The following CACNA2D3 variants were observed in gnomAD, a reference collection of about 807,000 sequenced individuals.
The protein encoded by CACNA2D3 is voltage-dependent calcium channel subunit alpha-2/delta-3.
A neutral mutation model predicts 160.6 loss-of-function variants in CACNA2D3; 60 were observed. That is an observed-to-expected ratio of 0.37 (90% CI 0.30 to 0.46). The LOEUF is 0.46. CACNA2D3 is among the 20% of genes least tolerant of loss of function. The probability of loss-of-function intolerance (pLI) is 1.00; values close to 1 mark genes in which losing one functional copy is unlikely to be tolerated. For missense variants in CACNA2D3, 1,205 were observed against 1,365.0 expected (o/e 0.88, Z 1.85); for synonymous variants, 558 against 492.9 (o/e 1.13, Z -1.75).
chr3:54,662,540 T>C (rs1699991586), intron 11 of CACNA2D3, among the ~76,000 whole-genome samples: 1 of 152,234 alleles, frequency 6.6e-6, no homozygotes, highest in African/African-American at 2.4e-5. Flanking sequence ...TTCTCTGCTG[T>C]TGGTGGCCCC....
At chr3:54,922,198 T>A (rs1700872682) in intron 27 of CACNA2D3, among the ~76,000 whole-genome samples, 1 of 152,154 alleles carries the variant, frequency 6.6e-6, no homozygotes, top group Non-Finnish European at 1.5e-5. Context: ...TCAGTTTCCC[T>A]CTGGTGACAC....
chr3:55,033,694 TA>T (rs11353665), intron 35 of CACNA2D3, among the ~76,000 whole-genome samples: 25,965 of 77,700 alleles, frequency 0.33, 2,984 homozygotes, highest in Admixed American at 0.37. Context: ...TATATACCCT[TA>T]AAAAATATAT....
At chr3:54,388,656 C>G (rs1699229941) in intron 4 of CACNA2D3, among the ~76,000 whole-genome samples, 1 of 152,166 alleles carries the variant, frequency 6.6e-6, no homozygotes, top group Non-Finnish European at 1.5e-5. Flanking sequence ...GCAAGAAGTA[C>G]CTTACCTTCC....
Position 54,979,966 on chromosome 3 carries a change from A to C in CACNA2D3, c.2557-4642A>C, listed in dbSNP as rs1368945771. Among the ~76,000 whole-genome samples, 3 of 152,212 alleles carry C rather than the reference A, an allele frequency of 2.0e-5. No individual in the cohort carries two copies. The East Asian group carries it at 5.8e-4, about 29-fold the overall frequency. On this transcript the variant is annotated intron_variant, in intron 29 of 37. Transcript: ENST00000474759. ...ATCTTACATAACAATTATAACTATTAATAACATACAGTAAGCCATGTTAGA... is the reference window on the plus strand; with the variant it reads ...ATCTTACATAACAATTATAACTATTCATAACATACAGTAAGCCATGTTAGA...
intron 13 of CACNA2D3, among the ~76,000 whole-genome samples, chr3:54,792,458 G>A (rs1702776926): frequency 6.6e-6 from 1 of 152,148 alleles, no homozygotes; most frequent in South Asian, 2.1e-4. Context: ...AAAATCAATT[G>A]AATCATAAAA....
chr3:54,579,763 A>G (rs1430386921), intron 8 of CACNA2D3, among the ~76,000 whole-genome samples: 1 of 152,174 alleles, frequency 6.6e-6, no homozygotes, highest in Admixed American at 6.5e-5. Context: ...TTTCCTTCAT[A>G]TTGAACTCTG....
At chr3:54,426,073 C>T (rs1699908047) in intron 4 of CACNA2D3, among the ~76,000 whole-genome samples, 1 of 152,166 alleles carries the variant, frequency 6.6e-6, no homozygotes, top group Non-Finnish European at 1.5e-5. Context: ...GACTATAACT[C>T]AGGTGTGTGT....
At chr3:54,590,078 A>G (rs1702831001) in intron 9 of CACNA2D3, among the ~76,000 whole-genome samples, 1 of 152,208 alleles carries the variant, frequency 6.6e-6, no homozygotes, top group Admixed American at 6.5e-5. Flanking sequence ...AATTAAAATT[A>G]TGTTCACACA....
intron 11 of CACNA2D3, among the ~76,000 whole-genome samples, chr3:54,737,447 A>G (rs897807032): frequency 2.6e-5 from 4 of 152,078 alleles, no homozygotes; most frequent in African/African-American, 9.7e-5. Context: ...CAGGTGGGCA[A>G]TATGTGCAAA....
intron 35 of CACNA2D3, among the ~76,000 whole-genome samples, chr3:55,067,766 T>A (rs987658023): frequency 6.7e-6 from 1 of 148,368 alleles, no homozygotes; most frequent in East Asian, 2.0e-4. Flanking sequence ...GCGATAGATA[T>A]ATAAAGAATT....
At chr3:54,198,210 C>G (rs1444233472) in intron 2 of CACNA2D3, among the ~76,000 whole-genome samples, 3 of 152,230 alleles carry the variant, frequency 2.0e-5, no homozygotes, top group African/African-American at 7.2e-5. Flanking sequence ...AAAAGAGCCC[C>G]CATCCTCTAA....
intron 14 of CACNA2D3, among the ~76,000 whole-genome samples, chr3:54,831,600 GAGT>G (rs1224313177): frequency 6.6e-6 from 1 of 152,222 alleles, no homozygotes; most frequent in Non-Finnish European, 1.5e-5. Flanking sequence ...CCATCATAAA[GAGT>G]AGTCATTACC....
At chr3:54,354,021 G>C (rs1419935794) in intron 3 of CACNA2D3, among the ~76,000 whole-genome samples, 3 of 152,078 alleles carry the variant, frequency 2.0e-5, no homozygotes, top group Non-Finnish European at 4.4e-5. Flanking sequence ...CCCCTTTAGT[G>C]TTTACTCTGT....
rs3060362 is a variant in CACNA2D3 at position 54,141,086 on chromosome 3, T to TGC, written c.204+17504_204+17505dup. Among the ~76,000 whole-genome samples the TGC allele has an allele frequency of 7.4e-4, 89 of 119,882 alleles. 2 individuals are homozygous for TGC. Among genetic ancestry groups the TGC allele is most frequent in the Middle Eastern group, 4.6e-3 (1 of 216 alleles). 78.6% of individuals were successfully genotyped at this position (119,882 alleles called of 152,430 possible). ...CTGTGTGTGTGTGTGTGTGTGTGTGTGCGCGCGCGCGCGTGTGTGCATGCA... is the reference window on the plus strand; with the variant it reads ...CTGTGTGTGTGTGTGTGTGTGTGTGTGCGCGCGCGCGCGCGTGTGTGCATGCA... On this transcript the variant is annotated intron_variant, in intron 2 of 37. Coordinates refer to ENST00000474759, the MANE Select transcript of CACNA2D3 (RefSeq NM_018398.3).
chr3:55,073,631 G>A (rs1282375843), intron 36 of CACNA2D3, 74 bp downstream of exon 36: 2 of 1,340,566 alleles, frequency 1.5e-6, no homozygotes, highest in African/African-American at 2.9e-5. Context: ...GAAACCTGGG[G>A]GAGAAATATT....
intron 17 of CACNA2D3, among the ~76,000 whole-genome samples, chr3:54,863,798 C>T (rs1380611486): frequency 6.6e-6 from 1 of 151,996 alleles, no homozygotes; most frequent in Non-Finnish European, 1.5e-5. Context: ...AGAGCACATA[C>T]AACTTTTCAT....
chr3:54,687,469 G>A (rs1398707991), intron 11 of CACNA2D3, among the ~76,000 whole-genome samples: 1 of 151,810 alleles, frequency 6.6e-6, no homozygotes, highest in Non-Finnish European at 1.5e-5. Context: ...CTTTTCTTGG[G>A]ACAAATTTTT....
intron 28 of CACNA2D3, among the ~76,000 whole-genome samples, chr3:54,969,261 A>ATTTTTTTTTTTTTTTTTT: frequency 7.8e-6 from 1 of 127,796 alleles, no homozygotes; most frequent in Non-Finnish European, 1.7e-5. Context: ...CATAAAGTAG[A>ATTTTTTTTTTTTTTTTTT]CTTTTTTTTT....
intron 2 of CACNA2D3, among the ~76,000 whole-genome samples, chr3:54,238,513 C>T (rs1461799917): frequency 6.6e-6 from 1 of 152,192 alleles, no homozygotes; most frequent in African/African-American, 2.4e-5. Context: ...TTCCTTCTGT[C>T]ATCACAGAGC....
Sources: gnomAD v4.1 joint callset for allele counts (sites outside exome capture counted in the v4.1 genomes callset) on GRCh38, gnomAD v4.1.1 for gene constraint, MANE v1.5 for transcripts, NCBI Gene and HGNC (gene_info 2026-07-23, HGNC 2026-07-21) for gene names.